GNA12: variants seen among roughly 807,000 people sequenced by gnomAD.
GNA12 encodes the protein G protein subunit alpha 12.
A neutral mutation model predicts 26.0 loss-of-function variants in GNA12; 9 were observed. The ratio of observed to expected loss-of-function variants is 0.35; its 90% CI spans 0.21 to 0.60. The LOEUF (loss-of-function observed/expected upper bound fraction) is 0.60, where lower values mean the gene tolerates loss of function less well. GNA12 is among the 20% of genes least tolerant of loss of function. The pLI is 0.78. For synonymous variants in GNA12, 264 were observed against 219.6 expected (o/e 1.20, Z -1.79); for missense variants, 405 against 525.8 (o/e 0.77, Z 2.25).
intron 2 of GNA12, among the ~76,000 whole-genome samples, chr7:2,749,730 T>A (rs951113211): frequency 6.6e-6 from 1 of 151,984 alleles, no homozygotes; most frequent in African/African-American, 2.4e-5. Context: ...CAAATGGAAA[T>A]TTTAGAACTA....
intron 1 of GNA12, among the ~76,000 whole-genome samples, chr7:2,834,261 ATTC>A (rs1273653803): frequency 1.3e-5 from 2 of 152,360 alleles, no homozygotes; most frequent in East Asian, 3.9e-4. Context: ...TCATTTGTGT[ATTC>A]TTCTCCACTT....
chr7:2,737,496 C>G (rs996326349), intron 2 of GNA12, among the ~76,000 whole-genome samples: 1 of 151,964 alleles, frequency 6.6e-6, no homozygotes, highest in Non-Finnish European at 1.5e-5. Context: ...ACCAGGTTAA[C>G]CAGGCTGGTC....
chr7:2,745,430 G>A (rs2115343488), intron 2 of GNA12, among the ~76,000 whole-genome samples: 1 of 152,278 alleles, frequency 6.6e-6, no homozygotes, highest in East Asian at 1.9e-4. Context: ...AGCTTCATAA[G>A]TGAAGGAGAA....
chr7:2,777,180 G>A (rs1792099176), intron 2 of GNA12, among the ~76,000 whole-genome samples: 1 of 152,170 alleles, frequency 6.6e-6, no homozygotes, highest in Non-Finnish European at 1.5e-5. Context: ...CCAGCACAGT[G>A]ACTGAACCTA....
chr7:2,779,037 G>A (rs1381070960), intron 2 of GNA12, among the ~76,000 whole-genome samples: 1 of 152,164 alleles, frequency 6.6e-6, no homozygotes, highest in Non-Finnish European at 1.5e-5. Context: ...CTGCTTCACA[G>A]TGAGACTATC....
At chr7:2,757,198 C>G (rs1436424388) in intron 2 of GNA12, among the ~76,000 whole-genome samples, 1 of 137,190 alleles carries the variant, frequency 7.3e-6, no homozygotes, top group Non-Finnish European at 1.5e-5. Context: ...TGTAGTGGCA[C>G]GATCTTGGCT....
intron 2 of GNA12, among the ~76,000 whole-genome samples, chr7:2,743,936 T>G (rs1362382898): frequency 6.6e-6 from 1 of 151,812 alleles, no homozygotes; most frequent in Non-Finnish European, 1.5e-5. Flanking sequence ...CACAGCAGTC[T>G]GAGATCAAAC....
intron 2 of GNA12, among the ~76,000 whole-genome samples, chr7:2,778,914 AC>A (rs1283141265): frequency 2.6e-5 from 4 of 152,146 alleles, no homozygotes; most frequent in Non-Finnish European, 5.9e-5. Context: ...TGATACTACC[AC>A]CCTTTGAAAC....
intron 1 of GNA12, among the ~76,000 whole-genome samples, chr7:2,813,369 T>G (rs557406848): frequency 2.0e-5 from 3 of 152,336 alleles, no homozygotes; most frequent in African/African-American, 7.2e-5. Flanking sequence ...ATAGTACCAA[T>G]TTCACTGGTT....
At chr7:2,822,145 CTT>C (rs1236686529) in intron 1 of GNA12, among the ~76,000 whole-genome samples, 1 of 152,224 alleles carries the variant, frequency 6.6e-6, no homozygotes, top group African/African-American at 2.4e-5. Flanking sequence ...TTCCCATTCT[CTT>C]TTAACTTTTT....
At chr7:2,766,142 CT>C (rs1207935770) in intron 2 of GNA12, among the ~76,000 whole-genome samples, 3 of 152,210 alleles carry the variant, frequency 2.0e-5, no homozygotes, top group African/African-American at 7.2e-5. Flanking sequence ...TGCCCAGCCC[CT>C]GGTAACCAGC....
chr7:2,810,942 AGATAACATGTGGAAGGAGGCCCTG>A (rs1793067620), intron 1 of GNA12, among the ~76,000 whole-genome samples: 1 of 152,080 alleles, frequency 6.6e-6, no homozygotes, highest in East Asian at 1.9e-4. Flanking sequence ...AAAGATAATG[AGATAACATGTGGAAGGAGGCCCTG>A]GAGCGCTCTC....
intron 1 of GNA12, among the ~76,000 whole-genome samples, chr7:2,798,815 A>T (rs1754002704): frequency 6.6e-6 from 1 of 152,254 alleles, no homozygotes; most frequent in Non-Finnish European, 1.5e-5. Flanking sequence ...AGATCAATGG[A>T]ACATAACAGA....
intron 2 of GNA12, among the ~76,000 whole-genome samples, chr7:2,768,672 AAAAAC>A (rs923058490): frequency 5.9e-5 from 8 of 134,762 alleles, no homozygotes; most frequent in South Asian, 2.2e-4. Flanking sequence ...AAGGTAAAAA[AAAAAC>A]AAAACAAAAC....
At chr7:2,764,244 CTTTT>C (rs35992308) in intron 2 of GNA12, among the ~76,000 whole-genome samples, 7 of 139,338 alleles carry the variant, frequency 5.0e-5, no homozygotes, top group South Asian at 4.7e-4. Flanking sequence ...CAGCTAATTT[CTTTT>C]TTTTTTTTTT....
At chr7:2,784,443 A>G (rs953044995) in intron 2 of GNA12, among the ~76,000 whole-genome samples, 1 of 152,236 alleles carries the variant, frequency 6.6e-6, no homozygotes, top group African/African-American at 2.4e-5. Context: ...CAATTACTAT[A>G]TTAGGATAAA....
In GNA12 at chr7:2,748,847, A is replaced by G. The variant is rs1188480218; in HGVS notation, c.526-15346T>C. ...CAAACAACCCCATCAAAAAGTGGGC[A>G]AAGGACATGAACAGACACTTCTCAA... On this transcript the variant is annotated intron_variant, in intron 2 of 3. Coordinates refer to ENST00000275364, the MANE Select transcript of GNA12 (RefSeq NM_007353.3). 7.2e-4 allele frequency among the ~76,000 whole-genome samples: 109 copies of G among 152,300 alleles called. 2 individuals carry two copies. The East Asian group carries it at 0.019, about 26-fold the overall frequency.
intron 2 of GNA12, among the ~76,000 whole-genome samples, chr7:2,786,072 A>G (rs1189588090): frequency 6.6e-6 from 1 of 152,156 alleles, no homozygotes; most frequent in Non-Finnish European, 1.5e-5. Context: ...GTTTAAAAAG[A>G]AGGTACACTG....
At chr7:2,804,290 T>A (rs146786211) in intron 1 of GNA12, among the ~76,000 whole-genome samples, 1,826 of 152,354 alleles carry the variant, frequency 0.012, 38 homozygotes, top group Admixed American at 0.042. Flanking sequence ...GGTAACTAAC[T>A]GAATAGACTG....
Sources: allele counts gnomAD v4.1 joint callset (sites outside exome capture counted in the v4.1 genomes callset), GRCh38; gene constraint gnomAD v4.1.1; transcripts MANE v1.5; gene names NCBI Gene and HGNC (gene_info 2026-07-23, HGNC 2026-07-21).